HDAC8: variants seen among roughly 807,000 people sequenced by gnomAD.
The protein encoded by HDAC8 is histone deacetylase-like 1.
A neutral mutation model predicts 32.2 loss-of-function variants in HDAC8; 1 was observed. The ratio of observed to expected loss-of-function variants is 0.03; its 90% confidence interval spans 0.01 to 0.15. The LOEUF (loss-of-function observed/expected upper bound fraction) is 0.15. Ranked by LOEUF, HDAC8 falls within the 10% of genes least tolerant of loss-of-function variation. The pLI is 1.00. For synonymous variants in HDAC8, 108 were observed against 113.9 expected (o/e 0.95, Z 0.33); for missense variants, 117 against 300.0 (o/e 0.39, Z 4.51).
chrX:72,358,322 G>A (rs1185561492), intron 9 of HDAC8, among the ~76,000 whole-genome samples: 1 of 111,579 alleles, frequency 9.0e-6, no homozygotes, highest in East Asian at 2.8e-4. Context: ...TTCACTAAAG[G>A]AAGTACTTTA....
Position 72,495,215 on chromosome X carries a change from C to T in HDAC8, c.491G>A (p.Arg164Gln), listed in dbSNP as rs148688742. Residue 164 changes from arginine (R) to glutamine (Q), a missense_variant, in exon 5 of 11, where the codon CGA becomes CAA. Around this residue, in one of 4 missense-constraint regions of HDAC8, gnomAD observed 57 missense variants for 182.0 expected, o/e 0.31. Transcript: ENST00000373573. ...AATACGCTCAAATTTCCGTCGCAAT[C>T]GTAATATTCCCAGGACAGCATCATT... is the stretch of plus-strand genomic sequence containing the variant. The part of the protein sequence containing the change: ...YLNDAVLGIL[R>Q]LRRKFERILY... 57 of 1,206,956 alleles carry T rather than the reference C, an allele frequency of 4.7e-5. No homozygotes were observed. In the African/African-American group the frequency reaches 7.5e-4, roughly 16 times the overall value.
chrX:72,438,709 T>C (rs1336773178), intron 9 of HDAC8, among the ~76,000 whole-genome samples: 4 of 110,596 alleles, frequency 3.6e-5, no homozygotes, highest in African/African-American at 6.6e-5. Flanking sequence ...GAAGACAGGA[T>C]ATCAGAGATT....
intron 9 of HDAC8, among the ~76,000 whole-genome samples, chrX:72,358,744 C>T (rs1431941492): frequency 7.1e-5 from 8 of 112,261 alleles, no homozygotes; most frequent in Admixed American, 5.6e-4. Flanking sequence ...CATCAGGAAC[C>T]GGTTTTGTGG....
chrX:72,422,317 A>G (rs782041270), intron 9 of HDAC8, among the ~76,000 whole-genome samples: 39 of 111,012 alleles, frequency 3.5e-4, no homozygotes, highest in Non-Finnish European at 5.9e-4. Flanking sequence ...GGACCACTTG[A>G]TGGTGTCCCA....
At chrX:72,568,715 G>A (rs781901317) in intron 3 of HDAC8, 39 bp downstream of exon 3, 14 of 1,193,935 alleles carry the variant, frequency 1.2e-5, no homozygotes, top group African/African-American at 1.8e-5. Context: ...AAAAAAATTA[G>A]TCTGTCCATC....
At chrX:72,527,571 C>T (rs144950920) in intron 4 of HDAC8, among the ~76,000 whole-genome samples, 17 of 110,641 alleles carry the variant, frequency 1.5e-4, no homozygotes, top group African/African-American at 5.6e-4. Flanking sequence ...ACCCAATGAC[C>T]GAAACAAGTA....
chrX:72,526,353 A>C lies in HDAC8; in HGVS notation c.438-31085T>G, dbSNP rs1315613839. On this transcript the variant is annotated intron_variant, in intron 4 of 10. Coordinates refer to ENST00000373573, the MANE Select transcript of HDAC8 (RefSeq NM_018486.3). ...AAGACAGCACATCACCTGGGAAGCC[A>C]TCCTTCTTCTCCCCTAGGTTAGATG... Among the ~76,000 whole-genome samples the C allele has an allele frequency of 1.8e-5, 2 of 109,933 alleles. 1 individual carries two copies. Among genetic ancestry groups the C allele is most frequent in the Non-Finnish European group, 3.8e-5 (2 of 52,722 alleles).
intron 10 of HDAC8, chrX:72,331,025 T>C (rs1438998346): frequency 1.0e-5 from 1 of 98,005 alleles, no homozygotes; most frequent in Non-Finnish European, 2.0e-5. Flanking sequence ...CGGTCTCGGC[T>C]CACTGCAATC....
chrX:72,376,450 C>G (rs2045080238), intron 9 of HDAC8, among the ~76,000 whole-genome samples: 1 of 111,938 alleles, frequency 8.9e-6, no homozygotes, highest in Non-Finnish European at 1.9e-5. Flanking sequence ...CAGAGTCTCA[C>G]TCTGTCGCCC....
At chrX:72,439,639 C>CAAAAA (rs782744436) in intron 9 of HDAC8, among the ~76,000 whole-genome samples, 15 of 36,166 alleles carry the variant, frequency 4.1e-4, no homozygotes, top group East Asian at 2.0e-3. Context: ...AAATGGAAAG[C>CAAAAA]AAAAAAAAAA....
chrX:72,459,595 C>T (rs924694345), intron 9 of HDAC8, among the ~76,000 whole-genome samples: 2 of 111,011 alleles, frequency 1.8e-5, no homozygotes, highest in African/African-American at 3.3e-5. Context: ...TCCTTTGTAT[C>T]CCCTTTATAT....
At chrX:72,369,209 T>C (rs1248633389) in intron 9 of HDAC8, among the ~76,000 whole-genome samples, 1 of 106,445 alleles carries the variant, frequency 9.4e-6, no homozygotes, top group Non-Finnish European at 1.9e-5. Context: ...ATGCATCCAC[T>C]ACCAGAGACG....
At chrX:72,414,047 T>C (rs1475699799) in intron 9 of HDAC8, among the ~76,000 whole-genome samples, 1 of 111,946 alleles carries the variant, frequency 8.9e-6, no homozygotes, top group Non-Finnish European at 1.9e-5. Flanking sequence ...GGCAAAACTA[T>C]AGAGTGGACT....
intron 9 of HDAC8, among the ~76,000 whole-genome samples, chrX:72,371,048 G>A (rs1366024373): frequency 8.9e-6 from 1 of 111,779 alleles, no homozygotes; most frequent in Non-Finnish European, 1.9e-5. Flanking sequence ...GATGATAAGG[G>A]ATTATTAATT....
intron 9 of HDAC8, among the ~76,000 whole-genome samples, chrX:72,390,271 A>G (rs190758672): frequency 2.7e-5 from 3 of 111,900 alleles, no homozygotes; most frequent in Admixed American, 1.9e-4. Context: ...GCCAGATCTT[A>G]TTCATTGCCT....
rs371676935 is a variant in HDAC8 at position 72,568,044 on chromosome X, T to A, written c.296-14A>T. The A allele has an allele frequency of 2.5e-6, 3 of 1,201,263 alleles. No homozygotes were observed. Among genetic ancestry groups the A allele is most frequent in the Non-Finnish European group, 3.4e-6 (3 of 887,283 alleles). ...GGCAGTCATAACCTTAGGGCAAAAA[T>A]CAGAAGAGCTGGTTAAAAGGTGAAC... is the stretch of plus-strand genomic sequence containing the variant. On this transcript the variant is annotated splice_polypyrimidine_tract_variant and intron_variant, in intron 3 of 10. Transcript: ENST00000373573.
chrX:72,348,443 G>A (rs1420758813), intron 10 of HDAC8, among the ~76,000 whole-genome samples: 9 of 112,293 alleles, frequency 8.0e-5, no homozygotes, highest in Non-Finnish European at 1.5e-4. Context: ...TCATGGCAAC[G>A]CACTATCTGA....
At chrX:72,420,628 G>T (rs969531880) in intron 9 of HDAC8, among the ~76,000 whole-genome samples, 1 of 111,147 alleles carries the variant, frequency 9.0e-6, no homozygotes, top group Non-Finnish European at 1.9e-5. Flanking sequence ...TTTTTTCAGC[G>T]TTTGCTTCAT....
At chrX:72,551,059 C>T (rs921756279) in intron 4 of HDAC8, among the ~76,000 whole-genome samples, 3 of 104,224 alleles carry the variant, frequency 2.9e-5, no homozygotes, top group Non-Finnish European at 5.8e-5. Context: ...TAAAAAGATG[C>T]TGGAAATCTT....
Sources: allele counts gnomAD v4.1 joint callset (sites outside exome capture counted in the v4.1 genomes callset), GRCh38; gene constraint gnomAD v4.1.1; regional missense constraint gnomAD v4.1.1; transcripts MANE v1.5; gene names NCBI Gene and HGNC (gene_info 2026-07-23, HGNC 2026-07-21).